The following LRRC39 variants were observed in gnomAD, a reference collection of about 807,000 sequenced individuals.
The protein encoded by LRRC39 is leucine rich repeat containing 39, also known as leucine-rich repeat-containing protein 39.
A neutral mutation model predicts 39.7 loss-of-function variants in LRRC39; 35 were observed. The observed-to-expected ratio is 0.88, with a 90% CI of 0.67 to 1.17. LRRC39 has a LOEUF of 1.17. Among genes scored for constraint, LRRC39 ranks in the 50% most tolerant of loss-of-function variants. The pLI, the probability that LRRC39 is intolerant of heterozygous loss-of-function variation, is 0.00. For synonymous variants in LRRC39, 113 were observed against 134.1 expected (o/e 0.84, Z 1.09); for missense variants, 357 against 385.8 (o/e 0.93, Z 0.62).
At chr1:100,162,288 A>G (rs1275003919) in intron 3 of LRRC39, among the ~76,000 whole-genome samples, 1 of 152,208 alleles carries the variant, frequency 6.6e-6, no homozygotes, top group African/African-American at 2.4e-5. Flanking sequence ...TGTCATTTGA[A>G]GCACATTCCT....
chr1:100,160,663 T>G (rs1658811801), intron 3 of LRRC39, 92 bp from the exon 4 acceptor site: 2 of 1,050,810 alleles, frequency 1.9e-6, no homozygotes, highest in Non-Finnish European at 2.8e-6. Flanking sequence ...TTCACTCTTT[T>G]GCCCAGGCTG....
chr1:100,171,691 A>T (rs1659623211), intron 2 of LRRC39, among the ~76,000 whole-genome samples: 1 of 146,138 alleles, frequency 6.8e-6, no homozygotes. Context: ...TTTTGTAAAG[A>T]CAGGGGTCTT....
chr1:100,164,114 A>G (rs1659069398), intron 3 of LRRC39, among the ~76,000 whole-genome samples: 1 of 152,158 alleles, frequency 6.6e-6, no homozygotes, highest in South Asian at 2.1e-4. Flanking sequence ...ATTTTATTGT[A>G]GAATAAGGCC....
At chr1:100,177,476 G>C (rs1660041889) in intron 1 of LRRC39, among the ~76,000 whole-genome samples, 1 of 152,130 alleles carries the variant, frequency 6.6e-6, no homozygotes, top group South Asian at 2.1e-4. Flanking sequence ...TCTAAGCAAG[G>C]CATGCCGAAT....
chr1:100,179,160 C>T (rs1038495654), upstream of LRRC39, among the ~76,000 whole-genome samples: 6 of 152,008 alleles, frequency 3.9e-5, no homozygotes, highest in African/African-American at 1.4e-4. Context: ...TTTATGTAGT[C>T]ATTTGGACAT....
rs780755554 is a variant in LRRC39 at position 100,159,309 on chromosome 1, A to G, written c.326T>C (p.Ile109Thr). ...PEFIGRFQNL[I>T]VLDLSRNTIS... is the part of the protein sequence containing the mutation. The stretch of plus-strand genomic sequence containing the variant: ...TGTGTTTCGAGATAAATCTAACACA[A>G]TGAGGTTCTGGAATCTTCCAATGAA... The change falls in exon 5 of 10, where the codon ATT becomes ACT. Residue 109 changes from isoleucine to threonine, a missense_variant. Ile to Thr is a moderately conservative substitution (Grantham distance 89). Transcript: ENST00000370137. 1.1e-4 allele frequency: 171 copies of G among 1,610,888 alleles called. No homozygotes were observed. The highest frequency in any genetic ancestry group is 1.4e-4 in the Non-Finnish European group (166 of 1,178,548).
At position 100,148,645 on chromosome 1, in the gene LRRC39, A is replaced by G. The variant is rs1452442697; in HGVS notation, c.*397T>C. ...TTTAGGCTTCTTAGTGTTGAAGAAAAGAAGAAAATAGGGCATCTTTGTAAA... is the reference window on the plus strand; with the variant it reads ...TTTAGGCTTCTTAGTGTTGAAGAAAGGAAGAAAATAGGGCATCTTTGTAAA... On this transcript the variant is annotated 3_prime_UTR_variant, in exon 10 of 10. Transcript: ENST00000370137. 1.2e-6 allele frequency: 2 copies of G among 1,608,192 alleles called. No homozygotes were observed. The highest frequency in any genetic ancestry group is 1.7e-6 in the Non-Finnish European group (2 of 1,178,702).
At chr1:100,169,165 T>A (rs1659437422) in intron 2 of LRRC39, among the ~76,000 whole-genome samples, 1 of 152,090 alleles carries the variant, frequency 6.6e-6, no homozygotes, top group African/African-American at 2.4e-5. Context: ...TTATGGAATA[T>A]CCTATGGCCT....
At chr1:100,162,809 A>C (rs1658985497) in intron 3 of LRRC39, among the ~76,000 whole-genome samples, 1 of 152,212 alleles carries the variant, frequency 6.6e-6, no homozygotes, top group South Asian at 2.1e-4. Context: ...GAAAGCATGA[A>C]GTTTAACTAA....
chr1:100,165,148 A>C (rs1010190038), intron 3 of LRRC39, among the ~76,000 whole-genome samples: 14 of 152,220 alleles, frequency 9.2e-5, no homozygotes, highest in African/African-American at 3.4e-4. Context: ...TAATTGTTTT[A>C]AGATTAAGGG....
At chr1:100,155,620 G>C (rs1421429865) in intron 7 of LRRC39, among the ~76,000 whole-genome samples, 2 of 152,174 alleles carry the variant, frequency 1.3e-5, no homozygotes, top group Admixed American at 1.3e-4. Context: ...AAGAACTACT[G>C]TAAATGTTAC....
rs528764115 is a variant in LRRC39, at chr1:100,155,074, G to C, written c.789C>G (p.Cys263Trp). 19 of 1,588,624 alleles carry C rather than the reference G, an allele frequency of 1.2e-5. No individual in the cohort carries two copies. In the African/African-American group the frequency reaches 2.3e-4, roughly 19 times the overall value. The change falls in exon 8 of 10, where the codon TGC (cysteine) becomes TGG (tryptophan). Residue 263 changes from cysteine to tryptophan, a missense_variant. By Grantham distance (215) the Cys-to-Trp change is radical. Transcript: ENST00000370137. Reference protein sequence around the residue: ...SNNKLQDIPVCMEEMANLRFV... With the variant: ...SNNKLQDIPVWMEEMANLRFV... ...ACCTCAGATTTGCCATTTCTTCCAT[G>C]CATACTGGAATATCTTGCAGTTTAT...
At chr1:100,179,200 T>C (rs1427085136), upstream of LRRC39, among the ~76,000 whole-genome samples, 1 of 152,110 alleles carries the variant, frequency 6.6e-6, no homozygotes, top group Non-Finnish European at 1.5e-5. Context: ...TAAAAATTTA[T>C]GCCTGATTAT....
chr1:100,174,317 A>G (rs181537275), intron 1 of LRRC39, among the ~76,000 whole-genome samples: 215 of 148,752 alleles, frequency 1.4e-3, no homozygotes, highest in African/African-American at 5.2e-3. Context: ...TTTTTTTTTT[A>G]GACAGGGTCT....
At chr1:100,174,767 T>C (rs1326821786) in intron 1 of LRRC39, among the ~76,000 whole-genome samples, 1 of 152,208 alleles carries the variant, frequency 6.6e-6, no homozygotes, top group Non-Finnish European at 1.5e-5. Context: ...GAACACTTTT[T>C]AAAACAGAAT....
chr1:100,172,819 G>C (rs1029474282), intron 2 of LRRC39, among the ~76,000 whole-genome samples: 53 of 152,030 alleles, frequency 3.5e-4, no homozygotes, highest in African/African-American at 1.1e-3. Flanking sequence ...AATTAGCCGG[G>C]CGTGGTGGCA....
Position 100,159,247 on chromosome 1 carries a change from A to G in LRRC39, c.376+12T>C. The G allele has an allele frequency of 6.3e-7, 1 of 1,578,426 alleles. No homozygotes were observed. The highest frequency in any genetic ancestry group is 8.6e-7 in the Non-Finnish European group (1 of 1,165,070). Reference sequence around the variant, plus strand: ...GATAAAATAGCACAGGAATAAAAGTAATCTTTCTTACCAATCCCTGGTGGT... The same window carrying G: ...GATAAAATAGCACAGGAATAAAAGTGATCTTTCTTACCAATCCCTGGTGGT... On this transcript the variant is annotated intron_variant, in intron 5 of 9. Coordinates refer to ENST00000370137, the MANE Select transcript of LRRC39 (RefSeq NM_144620.4).
chr1:100,160,639 T>TG, intron 3 of LRRC39, 68 bp from the exon 4 acceptor site: 59 of 1,272,652 alleles, frequency 4.6e-5, no homozygotes, highest in South Asian at 1.2e-4. Context: ...TTTTTTTTTT[T>TG]TGAGAGAGAG....
At chr1:100,150,424 A>T (rs1657874745) in intron 9 of LRRC39, 1 of 152,198 alleles carries the variant, frequency 6.6e-6, no homozygotes, top group South Asian at 2.1e-4. Flanking sequence ...AAGCAATACT[A>T]ATTTGTGTCA....
Sources: gnomAD v4.1 joint callset for allele counts (sites outside exome capture counted in the v4.1 genomes callset) on GRCh38, gnomAD v4.1.1 for gene constraint, MANE v1.5 for transcripts, NCBI Gene and HGNC (gene_info 2026-07-23, HGNC 2026-07-21) for gene names.